The following GNS variants were observed in gnomAD, a reference collection of about 807,000 sequenced individuals.
GNS encodes N-acetylglucosamine-6-sulfatase.
In GNS, 40 loss-of-function variants were observed where a neutral mutation model predicts 69.7. The observed-to-expected ratio is 0.57, with a 90% CI of 0.45 to 0.75. The LOEUF is 0.75. Among genes scored for constraint, GNS ranks in the 30% least tolerant of loss-of-function variants. The probability of loss-of-function intolerance (pLI) is 0.00; values close to 1 mark genes in which losing one functional copy is unlikely to be tolerated. For synonymous variants in GNS, 243 were observed against 251.6 expected (o/e 0.97, Z 0.32); for missense variants, 565 against 685.5 (o/e 0.82, Z 1.96).
intron 1 of GNS, among the ~76,000 whole-genome samples, chr12:64,753,694 A>G (rs1483830752): frequency 6.6e-6 from 1 of 152,246 alleles, no homozygotes; most frequent in Non-Finnish European, 1.5e-5. Flanking sequence ...AATAATGTAT[A>G]AATGACTTTT....
chr12:64,742,290 G>T (rs977847003), intron 6 of GNS, among the ~76,000 whole-genome samples: 3 of 152,186 alleles, frequency 2.0e-5, no homozygotes, highest in Non-Finnish European at 2.9e-5. Flanking sequence ...AAAGTGCTGG[G>T]ATTACAGGCA....
chr12:64,753,181 G>A (rs1435282298), intron 1 of GNS, among the ~76,000 whole-genome samples: 2 of 152,120 alleles, frequency 1.3e-5, no homozygotes, highest in Non-Finnish European at 2.9e-5. Context: ...CCAGGACTCC[G>A]AGACTGATTC....
intron 2 of GNS, among the ~76,000 whole-genome samples, chr12:64,749,402 G>A (rs976765049): frequency 7.3e-5 from 11 of 151,232 alleles, no homozygotes; most frequent in African/African-American, 1.9e-4. Flanking sequence ...ACAGGTGCCC[G>A]CCACCACGCC....
At chr12:64,738,998 T>A (rs551822281) in intron 8 of GNS, among the ~76,000 whole-genome samples, 1 of 152,092 alleles carries the variant, frequency 6.6e-6, no homozygotes, top group Non-Finnish European at 1.5e-5. Context: ...CAGAGCTGAC[T>A]CATCCTGCAG....
At chr12:64,755,577 CAAAA>C in intron 1 of GNS, among the ~76,000 whole-genome samples, 1 of 99,806 alleles carries the variant, frequency 1.0e-5, no homozygotes. Context: ...GACTCCAACT[CAAAA>C]AAAAAAAAAA....
At chr12:64,724,854 C>G (rs1431150915) in intron 10 of GNS, among the ~76,000 whole-genome samples, 1 of 152,158 alleles carries the variant, frequency 6.6e-6, no homozygotes, top group Non-Finnish European at 1.5e-5. Flanking sequence ...GAGCGAGACT[C>G]TGTCTCGGAA....
intron 1 of GNS, among the ~76,000 whole-genome samples, chr12:64,755,984 G>A (rs1870239307): frequency 6.6e-6 from 1 of 152,158 alleles, no homozygotes; most frequent in South Asian, 2.1e-4. Context: ...ATTTTTAAAA[G>A]AGCAGCTTAT....
chr12:64,742,262 C>A (rs1040666221), intron 6 of GNS, among the ~76,000 whole-genome samples: 6 of 152,322 alleles, frequency 3.9e-5, no homozygotes, highest in African/African-American at 1.2e-4. Context: ...CCTCGTGATT[C>A]GCCCGCCTTG....
intron 10 of GNS, among the ~76,000 whole-genome samples, chr12:64,726,685 TG>T (rs1224391843): frequency 6.6e-6 from 1 of 152,030 alleles, no homozygotes; most frequent in African/African-American, 2.4e-5. Context: ...TTGTAGAGAC[TG>T]GGTCTTGCCA....
intron 8 of GNS, among the ~76,000 whole-genome samples, chr12:64,737,698 C>T (rs1869597382): frequency 1.3e-5 from 2 of 152,198 alleles, no homozygotes; most frequent in South Asian, 4.1e-4. Flanking sequence ...TCAATCAACA[C>T]CAGCACTCCA....
In GNS at chr12:64,728,982, C is replaced by G. The variant is rs1869298633; in HGVS notation, c.1174G>C (p.Asp392His). 1 of 1,580,946 alleles carries G rather than the reference C, an allele frequency of 6.3e-7. No individual in the cohort carries two copies. The highest frequency in any genetic ancestry group is 8.7e-7 in the Non-Finnish European group (1 of 1,149,924). The change falls in exon 10 of 14, where the codon GAT becomes CAT. Residue 392 changes from aspartate (D) to histidine (H), a missense_variant. Asp to His is a moderately conservative substitution (Grantham distance 81, BLOSUM62 -1). Transcript: ENST00000258145. ...AAAATGGGCAATAAGGACATCCCATCCATCTGTGTCTTATTTAGGTCGTAG... is the reference window on the plus strand; with the variant it reads ...AAAATGGGCAATAAGGACATCCCATGCATCTGTGTCTTATTTAGGTCGTAG... ...AGYDLNKTQMDGMSLLPILRG... is the reference protein window; with the variant it reads ...AGYDLNKTQMHGMSLLPILRG...
chr12:64,728,752 C>T (rs993654382), intron 10 of GNS, among the ~76,000 whole-genome samples: 7 of 151,992 alleles, frequency 4.6e-5, no homozygotes, highest in African/African-American at 1.7e-4. Flanking sequence ...GGTGGGTGTT[C>T]TTAAAGGAGA....
In GNS at chr12:64,728,936, A is replaced by T. The variant is rs756500140; in HGVS notation, c.1200+20T>A. 6 of 1,126,456 alleles carry T rather than the reference A, an allele frequency of 5.3e-6. No homozygotes were observed. The highest frequency in any genetic ancestry group is 8.2e-6 in the Non-Finnish European group (6 of 734,316). The allele number at this position is 1,126,456 out of a possible 1,614,324, so 69.8% of individuals were successfully genotyped here. A position where few individuals can be genotyped will look rare whatever the true frequency, so the allele number is the denominator to read the frequency against. On this transcript the variant is annotated intron_variant, in intron 10 of 13. Transcript: ENST00000258145. ...TTATTGCGGTCTTGGCTCAGGCCTG[A>T]TTGAGGGCGCTATACTTACCAAAAT... is the stretch of plus-strand genomic sequence containing the variant.
chr12:64,748,942 TTTTA>T (rs1869981929), intron 2 of GNS, among the ~76,000 whole-genome samples: 1 of 152,262 alleles, frequency 6.6e-6, no homozygotes, highest in South Asian at 2.1e-4. Flanking sequence ...GCATTTTTAT[TTTTA>T]TTTATTTTTT....
chr12:64,753,830 G>A (rs973402515), intron 1 of GNS, among the ~76,000 whole-genome samples: 10 of 152,160 alleles, frequency 6.6e-5, no homozygotes, highest in African/African-American at 2.4e-4. Context: ...GCCAAGAGAC[G>A]CTAGAGAAGC....
At chr12:64,731,972 C>T (rs968682779) in intron 9 of GNS, among the ~76,000 whole-genome samples, 6 of 151,924 alleles carry the variant, frequency 3.9e-5, no homozygotes, top group Non-Finnish European at 8.8e-5. Context: ...ACAGAAAAAG[C>T]TTTGACAAGA....
chr12:64,750,351 TGCCC>T (rs1870040532), intron 2 of GNS, among the ~76,000 whole-genome samples: 2 of 152,060 alleles, frequency 1.3e-5, no homozygotes, highest in South Asian at 4.2e-4. Context: ...CCTGGCCCAA[TGCCC>T]AGGTATTTTT....
chr12:64,719,937 A>G, intron 13 of GNS, 85 bp downstream of exon 13: 2 of 872,690 alleles, frequency 2.3e-6, no homozygotes, highest in African/African-American at 1.6e-5. Flanking sequence ...ATCATCTCAC[A>G]GCAAAAAGGG....
chr12:64,715,882 C>T lies in GNS; in HGVS notation c.*859G>A, dbSNP rs185972636. On this transcript the variant is annotated 3_prime_UTR_variant, in exon 14 of 14. Transcript: ENST00000258145. Reference sequence around the variant, plus strand: ...AGGCCCTCGGAAGAGACAACCTTCACCAACTCTTGGCAGTTCTTCACTGCT... The same window carrying T: ...AGGCCCTCGGAAGAGACAACCTTCATCAACTCTTGGCAGTTCTTCACTGCT... 1.3e-5 allele frequency: 2 copies of T among 152,368 alleles called. No individual in the cohort carries two copies. The highest frequency in any genetic ancestry group is 1.3e-4 in the Admixed American group (2 of 15,296). 9.4% of individuals were successfully genotyped at this position (152,368 alleles called of 1,614,324 possible). A position where few individuals can be genotyped will look rare whatever the true frequency, so the allele number is the denominator to read the frequency against.
Sources: allele counts gnomAD v4.1 joint callset (sites outside exome capture counted in the v4.1 genomes callset), GRCh38; gene constraint gnomAD v4.1.1; transcripts MANE v1.5; gene names NCBI Gene and HGNC (gene_info 2026-07-23, HGNC 2026-07-21).